SFMBT2: variants seen among roughly 807,000 people sequenced by gnomAD.
SFMBT2 encodes scm-like with four MBT domains protein 2.
In SFMBT2, 38 loss-of-function variants were observed where a neutral mutation model predicts 110.1. The observed-to-expected ratio is 0.35, with a 90% CI of 0.27 to 0.45. The LOEUF (loss-of-function observed/expected upper bound fraction) is 0.45, where lower values mean the gene tolerates loss of function less well. SFMBT2 is among the 20% of genes least tolerant of loss of function. The probability of loss-of-function intolerance (pLI) is 1.00; values close to 1 mark genes in which losing one functional copy is unlikely to be tolerated. For synonymous variants in SFMBT2, 425 were observed against 425.4 expected, an observed-to-expected ratio of 1.00 and a Z score of 0.01; for missense variants, 1,011 against 1,094.9, an observed-to-expected ratio of 0.92 and a Z score of 1.08.
intron 4 of SFMBT2, among the ~76,000 whole-genome samples, chr10:7,337,541 T>G (rs1843753056): frequency 6.6e-6 from 1 of 152,118 alleles, no homozygotes; most frequent in South Asian, 2.1e-4. Context: ...CCCCCTTCTC[T>G]CTCTTCCTCT....
chr10:7,200,021 A>G (rs943283859), intron 14 of SFMBT2, among the ~76,000 whole-genome samples: 16 of 152,256 alleles, frequency 1.1e-4, no homozygotes, highest in African/African-American at 3.9e-4. Flanking sequence ...GGCGACTTAA[A>G]TACTAACAGC....
intron 16 of SFMBT2, among the ~76,000 whole-genome samples, chr10:7,185,679 T>A (rs1838380230): frequency 6.6e-6 from 1 of 152,242 alleles, no homozygotes; most frequent in Non-Finnish European, 1.5e-5. Context: ...ACTAGAAGAA[T>A]TATTAAGCTT....
intron 11 of SFMBT2, chr10:7,214,864 G>C (rs1007632250): frequency 1.5e-6 from 1 of 648,858 alleles, no homozygotes; most frequent in Non-Finnish European, 1.9e-6. Context: ...GGGCTCCCCA[G>C]TTCAAAACTG....
rs563615661 is a variant in SFMBT2, at chr10:7,392,262, C to A, written c.-51-10313G>T. ...GGGTGCGGTGGCTCACGCCTGTAAT[C>A]CCAACACTTTGGGAGGCCGAGGTGG... On this transcript the variant is annotated intron_variant, in intron 1 of 20. Transcript: ENST00000397167. Among the ~76,000 whole-genome samples, 51 of 152,218 alleles carry A rather than the reference C, an allele frequency of 3.4e-4. 1 individual carries two copies. The East Asian group carries it at 9.5e-3, about 28-fold the overall frequency.
chr10:7,292,750 C>T (rs1010888363), intron 4 of SFMBT2, among the ~76,000 whole-genome samples: 1 of 152,122 alleles, frequency 6.6e-6, no homozygotes, highest in South Asian at 2.1e-4. Flanking sequence ...GGTGCGATGG[C>T]TCATGCCTGT....
intron 8 of SFMBT2, 40 bp downstream of exon 8, chr10:7,248,508 C>T (rs1299583717): frequency 6.5e-7 from 1 of 1,548,358 alleles, no homozygotes; most frequent in Non-Finnish European, 8.9e-7. Context: ...ATTTGATCCA[C>T]TCTAGGGGCT....
intron 8 of SFMBT2, chr10:7,244,181 C>G (rs1461516439): frequency 8.0e-6 from 2 of 250,026 alleles, no homozygotes; most frequent in African/African-American, 4.6e-5. Flanking sequence ...TCCCTCAGAA[C>G]ACCCCACCCT....
At chr10:7,188,546 A>G (rs1838497175) in intron 16 of SFMBT2, 78 bp downstream of exon 16, 2 of 1,130,520 alleles carry the variant, frequency 1.8e-6, no homozygotes, top group Non-Finnish European at 2.6e-6. Context: ...GCTGTGTCAC[A>G]AAGAGAAGTG....
chr10:7,221,609 T>C (rs142770370), intron 10 of SFMBT2, among the ~76,000 whole-genome samples: 2 of 152,028 alleles, frequency 1.3e-5, no homozygotes, highest in African/African-American at 4.8e-5. Flanking sequence ...AATAGTGTAG[T>C]TCTTTTTGAT....
chr10:7,405,798 G>A (rs1476867415), intron 1 of SFMBT2, among the ~76,000 whole-genome samples: 2 of 151,258 alleles, frequency 1.3e-5, no homozygotes, highest in African/African-American at 4.9e-5. Flanking sequence ...ACAGAACCAT[G>A]TCCACCTACA....
chr10:7,376,762 T>G (rs1308924156), intron 2 of SFMBT2, among the ~76,000 whole-genome samples: 2 of 83,100 alleles, frequency 2.4e-5, no homozygotes, highest in Non-Finnish European at 4.3e-5. Flanking sequence ...AAAAAAAGCC[T>G]GGTAATGAGA....
intron 7 of SFMBT2, among the ~76,000 whole-genome samples, chr10:7,251,400 G>C (rs1412894306): frequency 6.6e-6 from 1 of 151,066 alleles, no homozygotes; most frequent in East Asian, 2.0e-4. Context: ...TTTGAGCCTG[G>C]GAGGCAGAGG....
At chr10:7,356,522 T>C (rs895065563) in intron 4 of SFMBT2, among the ~76,000 whole-genome samples, 10 of 152,300 alleles carry the variant, frequency 6.6e-5, no homozygotes, top group Admixed American at 6.5e-4. Context: ...TTCAAGCAAC[T>C]CTCCTGCCTC....
rs1245771989 is a variant in SFMBT2 at position 7,243,852 on chromosome 10, A to G, written c.973-147T>C. Reference sequence around the variant, plus strand: ...CAAACTGGCATTTTCAATGTCCATTACTAAATTAATTCAGCTGATAAAAAG... The same window carrying G: ...CAAACTGGCATTTTCAATGTCCATTGCTAAATTAATTCAGCTGATAAAAAG... On this transcript the variant is annotated intron_variant, in intron 8 of 20. Transcript: ENST00000397167. 5.7e-5 allele frequency: 36 copies of G among 631,354 alleles called. 1 individual carries two copies. The highest frequency in any genetic ancestry group is 4.3e-4 in the Middle Eastern group (1 of 2,352). The allele number at this position is 631,354 out of a possible 1,614,324, so 39.1% of individuals were successfully genotyped here. A position where few individuals can be genotyped will look rare whatever the true frequency, so the allele number is the denominator to read the frequency against.
In SFMBT2 at chr10:7,407,531, G is replaced by A. The variant is rs1588517956; in HGVS notation, c.-52+3330C>T. On this transcript the variant is annotated intron_variant, in intron 1 of 20. Transcript: ENST00000397167. ...CCCTCAGGACGCGGCTGGGGTTGGT[G>A]CGCGGGGCCCCGGAACCCCAAACCC... is the stretch of plus-strand genomic sequence containing the variant. 3.9e-5 allele frequency among the ~76,000 whole-genome samples: 6 copies of A among 152,258 alleles called. No homozygotes were observed. The South Asian group carries it at 1.2e-3, about 32-fold the overall frequency.
intron 9 of SFMBT2, among the ~76,000 whole-genome samples, chr10:7,229,888 T>C (rs1217085296): frequency 2.0e-5 from 3 of 151,494 alleles, no homozygotes; most frequent in Admixed American, 1.3e-4. Context: ...GCCTGGCTAA[T>C]TTTTATTTTT....
intron 17 of SFMBT2, among the ~76,000 whole-genome samples, chr10:7,174,488 A>G (rs1175341321): frequency 6.6e-6 from 1 of 152,150 alleles, no homozygotes; most frequent in Non-Finnish European, 1.5e-5. Context: ...TCCTCCTCCC[A>G]CTGGAGCCTC....
In SFMBT2 at chr10:7,228,733, T is replaced by C. The variant is rs906009160; in HGVS notation, c.1121-796A>G. The stretch of plus-strand genomic sequence containing the variant: ...TTTCTTTCTTTCTTTCTTTCTTTCT[T>C]TCCTTTCTCTCTCTCTCTCTCTCTC... On this transcript the variant is annotated intron_variant, in intron 9 of 20. Coordinates refer to ENST00000397167, the MANE Select transcript of SFMBT2 (RefSeq NM_001387889.1). Among the ~76,000 whole-genome samples the C allele has an allele frequency of 2.1e-3, 149 of 70,536 alleles. 9 individuals are homozygous for C. Among genetic ancestry groups the C allele is most frequent in the African/African-American group, 8.1e-3 (125 of 15,422 alleles). 46.3% of individuals were successfully genotyped at this position (70,536 alleles called of 152,430 possible).
chr10:7,275,840 G>A (rs946584355), intron 7 of SFMBT2, among the ~76,000 whole-genome samples: 5 of 152,164 alleles, frequency 3.3e-5, no homozygotes, highest in East Asian at 1.9e-4. Flanking sequence ...GGAAGCCCAC[G>A]TCCCCTACTA....
Sources: gnomAD v4.1 joint callset for allele counts (sites outside exome capture counted in the v4.1 genomes callset) on GRCh38, gnomAD v4.1.1 for gene constraint, MANE v1.5 for transcripts, NCBI Gene and HGNC (gene_info 2026-07-23, HGNC 2026-07-21) for gene names.